The following FARS2 variants were observed in gnomAD, a reference collection of about 807,000 sequenced individuals.
The protein encoded by FARS2 is phenylalanine--tRNA ligase, mitochondrial.
Under a neutral mutation model 46.4 loss-of-function variants are expected in FARS2, and 40 were observed. The observed-to-expected ratio is 0.86, with a 90% confidence interval of 0.67 to 1.12. The LOEUF is 1.12. Among genes scored for constraint, FARS2 ranks in the 50% most tolerant of loss-of-function variants. The probability of loss-of-function intolerance (pLI) is 0.00; values close to 1 mark genes in which losing one functional copy is unlikely to be tolerated. For synonymous variants in FARS2, 234 were observed against 214.9 expected, an observed-to-expected ratio of 1.09 and a Z score of -0.78; for missense variants, 513 against 567.9, an observed-to-expected ratio of 0.90 and a Z score of 0.98.
At chr6:5,625,089 G>T (rs1463616982) in intron 6 of FARS2, among the ~76,000 whole-genome samples, 2 of 152,160 alleles carry the variant, frequency 1.3e-5, no homozygotes, top group African/African-American at 4.8e-5. Context: ...TCTTGAAAAC[G>T]AAGAGATTTA....
Position 5,734,816 on chromosome 6 carries a change from T to C in FARS2, c.1218-36475T>C, listed in dbSNP as rs60788990. On this transcript the variant is annotated intron_variant, in intron 6 of 6. Coordinates refer to ENST00000274680, the MANE Select transcript of FARS2 (RefSeq NM_006567.5). ...TTTGATTTGTAGATAGATAGATACA[T>C]ACATACATACATACATACATGCATA... Among the ~76,000 whole-genome samples, 1,171 of 152,274 alleles carry C rather than the reference T, an allele frequency of 7.7e-3. 18 individuals are homozygous for C. The highest frequency in any genetic ancestry group is 0.026 in the African/African-American group (1,071 of 41,548).
chr6:5,486,858 A>G (rs1057020905), intron 4 of FARS2, among the ~76,000 whole-genome samples: 1 of 152,184 alleles, frequency 6.6e-6, no homozygotes. Context: ...AAGAGAGATC[A>G]TGGTTTTTAA....
At chr6:5,513,415 C>T (rs12197301) in intron 4 of FARS2, among the ~76,000 whole-genome samples, 3,410 of 152,242 alleles carry the variant, frequency 0.022, 52 homozygotes, top group Non-Finnish European at 0.033. Flanking sequence ...AAAGTACTGA[C>T]AGGGGAAGTT....
intron 2 of FARS2, among the ~76,000 whole-genome samples, chr6:5,380,490 A>T (rs1168248513): frequency 1.3e-5 from 2 of 152,176 alleles, no homozygotes; most frequent in Non-Finnish European, 2.9e-5. Context: ...CCTGGTGTGT[A>T]TCATCGAATG....
intron 6 of FARS2, among the ~76,000 whole-genome samples, chr6:5,654,471 G>A (rs1474574763): frequency 2.6e-5 from 4 of 152,246 alleles, no homozygotes; most frequent in South Asian, 2.1e-4. Flanking sequence ...TAATAGCTTG[G>A]ACTGCATCAA....
At chr6:5,532,774 T>TAAGAAGAAGAAG (rs1391729088) in intron 4 of FARS2, among the ~76,000 whole-genome samples, 17 of 141,482 alleles carry the variant, frequency 1.2e-4, no homozygotes, top group African/African-American at 4.8e-4. Flanking sequence ...GTAATAATAA[T>TAAGAAGAAGAAG]AATAATAATA....
intron 1 of FARS2, among the ~76,000 whole-genome samples, chr6:5,261,877 A>G (rs1765165093): frequency 6.6e-6 from 1 of 152,242 alleles, no homozygotes; most frequent in Non-Finnish European, 1.5e-5. Context: ...GGCTTTCTCC[A>G]AGAAGCGGAG....
chr6:5,267,120 G>A (rs1462781633), intron 1 of FARS2, among the ~76,000 whole-genome samples: 1 of 148,732 alleles, frequency 6.7e-6, no homozygotes, highest in Non-Finnish European at 1.5e-5. Flanking sequence ...TTTGTGTAAA[G>A]TATTTCAAAT....
At chr6:5,612,203 T>C (rs143636323) in intron 5 of FARS2, among the ~76,000 whole-genome samples, 1 of 152,372 alleles carries the variant, frequency 6.6e-6, no homozygotes, top group East Asian at 1.9e-4. Context: ...TTTGAGCATT[T>C]AGTTCTTCAG....
At chr6:5,690,509 A>G (rs1474687401) in intron 6 of FARS2, among the ~76,000 whole-genome samples, 2 of 151,398 alleles carry the variant, frequency 1.3e-5, no homozygotes, top group South Asian at 4.2e-4. Flanking sequence ...TTTCTTTAAG[A>G]ATGTTGAATA....
At chr6:5,530,911 A>C (rs1167848368) in intron 4 of FARS2, among the ~76,000 whole-genome samples, 1 of 147,800 alleles carries the variant, frequency 6.8e-6, no homozygotes, top group Non-Finnish European at 1.5e-5. Flanking sequence ...ATAACTATAT[A>C]ATGTATAAAT....
intron 5 of FARS2, among the ~76,000 whole-genome samples, chr6:5,570,554 C>T (rs1018112153): frequency 1.3e-5 from 2 of 152,296 alleles, no homozygotes; most frequent in East Asian, 1.9e-4. Context: ...ATTATTCTCA[C>T]CCAGTTTCCC....
At chr6:5,638,614 G>A (rs1303698035) in intron 6 of FARS2, among the ~76,000 whole-genome samples, 1 of 152,166 alleles carries the variant, frequency 6.6e-6, no homozygotes, top group Non-Finnish European at 1.5e-5. Context: ...CTCAGAGCAG[G>A]CCTCACTGAA....
At chr6:5,463,561 C>A (rs1449721650) in intron 4 of FARS2, among the ~76,000 whole-genome samples, 1 of 152,142 alleles carries the variant, frequency 6.6e-6, no homozygotes, top group African/African-American at 2.4e-5. Context: ...TGTTATTATA[C>A]CTGTATTGAA....
chr6:5,641,428 C>T (rs1454846851), intron 6 of FARS2, among the ~76,000 whole-genome samples: 1 of 152,164 alleles, frequency 6.6e-6, no homozygotes, highest in Non-Finnish European at 1.5e-5. Flanking sequence ...GCCCATGTAG[C>T]TGGGATTACA....
chr6:5,539,406 A>ATATATATATATGTATAT (rs1226634056), intron 4 of FARS2, among the ~76,000 whole-genome samples: 1 of 144,848 alleles, frequency 6.9e-6, no homozygotes, highest in African/African-American at 2.6e-5. Context: ...ATATGTATAT[A>ATATATATATATGTATAT]TTTTTTTAGT....
chr6:5,636,262 AG>A (rs1776541116), intron 6 of FARS2, among the ~76,000 whole-genome samples: 1 of 152,226 alleles, frequency 6.6e-6, no homozygotes, highest in Non-Finnish European at 1.5e-5. Flanking sequence ...ATGTGATAGC[AG>A]GGTTGAGAAA....
rs367572580 is a variant in FARS2, at chr6:5,367,163, T to C, written c.-21-1387T>C. On this transcript the variant is annotated intron_variant, in intron 1 of 6. Transcript: ENST00000274680. ...CAGTTCCAATTTGGAGTCAGGTGGA[T>C]TGTGTTGTCCAGGGACAGACTGTGC... Among the ~76,000 whole-genome samples, 13 of 152,354 alleles carry C rather than the reference T, an allele frequency of 8.5e-5. No homozygotes were observed. The East Asian group carries it at 1.3e-3, about 16-fold the overall frequency.
chr6:5,297,820 C>T (rs907669429), intron 1 of FARS2, among the ~76,000 whole-genome samples: 5 of 152,164 alleles, frequency 3.3e-5, no homozygotes, highest in African/African-American at 9.7e-5. Context: ...TCTTTGATTT[C>T]CCTTTTATTT....
Sources: gnomAD v4.1 joint callset for allele counts (sites outside exome capture counted in the v4.1 genomes callset) on GRCh38, gnomAD v4.1.1 for gene constraint, MANE v1.5 for transcripts, NCBI Gene and HGNC (gene_info 2026-07-23, HGNC 2026-07-21) for gene names.